Variants in CHRM3 observed in about 807,000 individuals in gnomAD.
CHRM3 encodes cholinergic receptor muscarinic 3, also known as muscarinic acetylcholine receptor M3.
CHRM3 carries 11 observed loss-of-function variants against 41.8 expected under a neutral mutation model. The observed-to-expected ratio is 0.26, with a 90% CI of 0.17 to 0.44. The LOEUF is 0.44. Ranked by LOEUF, CHRM3 falls within the 20% of genes least tolerant of loss-of-function variation. The probability of loss-of-function intolerance (pLI) is 1.00; values close to 1 mark genes in which losing one functional copy is unlikely to be tolerated. For missense variants in CHRM3, 571 were observed against 745.4 expected, an observed-to-expected ratio of 0.77 and a Z score of 2.72; for synonymous variants, 297 against 301.4, an observed-to-expected ratio of 0.99 and a Z score of 0.15.
At chr1:239,852,745 T>C (rs1432460591) in intron 6 of CHRM3, among the ~76,000 whole-genome samples, 3 of 152,198 alleles carry the variant, frequency 2.0e-5, no homozygotes, top group Non-Finnish European at 4.4e-5. Flanking sequence ...CACATAGTGC[T>C]GACGTAGTTC....
intron 1 of CHRM3, chr1:239,408,316 T>C (rs570065333): frequency 6.6e-6 from 1 of 152,134 alleles, no homozygotes; most frequent in African/African-American, 2.4e-5. Flanking sequence ...TCCTTGGAGA[T>C]CGAGACCATC....
intron 2 of CHRM3, among the ~76,000 whole-genome samples, chr1:239,493,734 T>C (rs1210821911): frequency 6.6e-6 from 1 of 152,186 alleles, no homozygotes; most frequent in Non-Finnish European, 1.5e-5. Context: ...TGATGCTCAG[T>C]TGAAGGCAGC....
intron 5 of CHRM3, among the ~76,000 whole-genome samples, chr1:239,696,499 C>A (rs562013155): frequency 1.9e-3 from 287 of 152,214 alleles, no homozygotes; most frequent in African/African-American, 6.7e-3. Flanking sequence ...TGAGTTTCAA[C>A]TTCCTCATCT....
chr1:239,778,461 G>A (rs151271825), intron 5 of CHRM3, among the ~76,000 whole-genome samples: 2,062 of 152,166 alleles, frequency 0.014, 19 homozygotes, highest in Non-Finnish European at 0.022. Context: ...TGTAAGTTCC[G>A]TGTTTATCCT....
chr1:239,835,470 GT>G (rs149748169), intron 6 of CHRM3, among the ~76,000 whole-genome samples: 7 of 149,550 alleles, frequency 4.7e-5, no homozygotes, highest in African/African-American at 9.8e-5. Context: ...TGTCAAAGAG[GT>G]TTTTTTTTTC....
At chr1:239,461,290 A>G (rs1665341377) in intron 1 of CHRM3, among the ~76,000 whole-genome samples, 1 of 152,212 alleles carries the variant, frequency 6.6e-6, no homozygotes, top group Non-Finnish European at 1.5e-5. Context: ...AAGGCATTAT[A>G]ACTTAGAAAT....
At chr1:239,816,056 C>A (rs1671556876) in intron 5 of CHRM3, among the ~76,000 whole-genome samples, 1 of 151,900 alleles carries the variant, frequency 6.6e-6, no homozygotes, top group Admixed American at 6.6e-5. Context: ...AAAGAACAGA[C>A]TTCCATGCCA....
intron 3 of CHRM3, among the ~76,000 whole-genome samples, chr1:239,587,921 A>G (rs957050832): frequency 2.0e-5 from 3 of 152,244 alleles, no homozygotes; most frequent in African/African-American, 4.8e-5. Context: ...TTATTAGACC[A>G]GTAAACAAAC....
At chr1:239,534,726 G>A (rs1321729691) in intron 2 of CHRM3, among the ~76,000 whole-genome samples, 2 of 152,084 alleles carry the variant, frequency 1.3e-5, no homozygotes, top group African/African-American at 4.8e-5. Context: ...CATTTTAAAG[G>A]TTATTATGAA....
At chr1:239,720,873 A>G (rs1227048373) in intron 5 of CHRM3, among the ~76,000 whole-genome samples, 1 of 151,956 alleles carries the variant, frequency 6.6e-6, no homozygotes, top group Non-Finnish European at 1.5e-5. Context: ...CTTTATCTGC[A>G]GGAGTTTGAA....
At chr1:239,879,293 G>A (rs1012586958) in intron 6 of CHRM3, among the ~76,000 whole-genome samples, 1 of 152,140 alleles carries the variant, frequency 6.6e-6, no homozygotes, top group African/African-American at 2.4e-5. Flanking sequence ...AACGCACCCA[G>A]CTTGTGCATT....
chr1:239,840,164 G>C (rs1049370971), intron 6 of CHRM3, among the ~76,000 whole-genome samples: 3 of 152,126 alleles, frequency 2.0e-5, no homozygotes, highest in African/African-American at 7.2e-5. Context: ...CCAGAAAGTT[G>C]TCTGTAAATT....
rs1481069418 is a variant in CHRM3, at chr1:239,910,162, G to T, written c.*938G>T. 1 of 166,794 alleles carries T rather than the reference G, an allele frequency of 6.0e-6. No homozygotes were observed. Among genetic ancestry groups the T allele is most frequent in the Non-Finnish European group, 1.5e-5 (1 of 68,086 alleles). The allele number at this position is 166,794 out of a possible 1,614,324, so 10.3% of individuals were successfully genotyped here. The stretch of plus-strand genomic sequence containing the variant: ...TTGATGTCTCAACAGAGCTAAATCG[G>T]GGCCCCTCTGAGCTCAAAGAATGAA... On this transcript the variant is annotated 3_prime_UTR_variant, in exon 7 of 7. Coordinates refer to ENST00000676153, the MANE Select transcript of CHRM3 (RefSeq NM_001375978.1).
intron 5 of CHRM3, among the ~76,000 whole-genome samples, chr1:239,684,748 GAGAAAGAA>G (rs372555411): frequency 1.0e-4 from 11 of 107,706 alleles, no homozygotes; most frequent in African/African-American, 2.8e-4. Flanking sequence ...GAGAAAGAAA[GAGAAAGAA>G]AGAAAGAAAG....
rs138089665 is a variant in CHRM3, at chr1:239,839,916, C to A, written c.-20+12538C>A. ...GACATAGGCTAGGCTCTTCTCCCAG[C>A]AGGCAAGAAAGAACACCATTGCCTG... On this transcript the variant is annotated intron_variant, in intron 6 of 6. Transcript: ENST00000676153. Among the ~76,000 whole-genome samples, 123 of 152,306 alleles carry A rather than the reference C, an allele frequency of 8.1e-4. No homozygotes were observed. In the East Asian group the frequency reaches 0.021, roughly 27 times the overall value.
intron 3 of CHRM3, among the ~76,000 whole-genome samples, chr1:239,550,809 G>A (rs1167179659): frequency 6.6e-6 from 1 of 152,076 alleles, no homozygotes; most frequent in Non-Finnish European, 1.5e-5. Flanking sequence ...TTGATTTTTA[G>A]AACAGCATTT....
intron 5 of CHRM3, among the ~76,000 whole-genome samples, chr1:239,723,699 G>C (rs114928900): frequency 6.6e-6 from 1 of 151,778 alleles, no homozygotes; most frequent in East Asian, 1.9e-4. Flanking sequence ...CCATCATTTG[G>C]GGCAAATTGT....
chr1:239,813,788 G>A (rs1306289426), intron 5 of CHRM3, among the ~76,000 whole-genome samples: 4 of 129,674 alleles, frequency 3.1e-5, no homozygotes, highest in Admixed American at 7.6e-5. Context: ...GTAGTGGCGG[G>A]CGCCTGTAGT....
intron 6 of CHRM3, among the ~76,000 whole-genome samples, chr1:239,903,866 G>A (rs556419561): frequency 3.9e-5 from 6 of 152,282 alleles, no homozygotes; most frequent in African/African-American, 1.4e-4. Context: ...TGTTGTGGTA[G>A]AGGAGCGAGG....
Sources: gnomAD v4.1 joint callset for allele counts (sites outside exome capture counted in the v4.1 genomes callset) on GRCh38, gnomAD v4.1.1 for gene constraint, MANE v1.5 for transcripts, NCBI Gene and HGNC (gene_info 2026-07-23, HGNC 2026-07-21) for gene names.